Variants in SEMA5A observed in about 807,000 individuals in gnomAD.
SEMA5A encodes the protein semaphorin-5A.
SEMA5A carries 55 observed loss-of-function variants against 135.5 expected under a neutral mutation model. That is an observed-to-expected ratio of 0.41 (90% CI 0.33 to 0.51). The LOEUF (loss-of-function observed/expected upper bound fraction) is 0.51, where lower values mean the gene tolerates loss of function less well. SEMA5A is among the 20% of genes least tolerant of loss of function. The pLI is 0.37. For missense variants in SEMA5A, 1,290 were observed against 1,419.9 expected (o/e 0.91, Z 1.47); for synonymous variants, 580 against 546.5 (o/e 1.06, Z -0.85).
At chr5:9,377,122 A>C (rs1052040638) in intron 3 of SEMA5A, among the ~76,000 whole-genome samples, 16 of 152,038 alleles carry the variant, frequency 1.1e-4, no homozygotes, top group Admixed American at 2.0e-4. Flanking sequence ...AAAAAAAAAA[A>C]AGAATGACAT....
At chr5:9,484,515 A>G (rs1399600676) in intron 1 of SEMA5A, among the ~76,000 whole-genome samples, 1 of 152,224 alleles carries the variant, frequency 6.6e-6, no homozygotes, top group Non-Finnish European at 1.5e-5. Flanking sequence ...ATGTTTTAAT[A>G]ATGCTACTGA....
chr5:9,285,529 C>T (rs1750754482), intron 5 of SEMA5A, among the ~76,000 whole-genome samples: 1 of 152,228 alleles, frequency 6.6e-6, no homozygotes, highest in Non-Finnish European at 1.5e-5. Context: ...ACAAACTATA[C>T]TTGCCCCATT....
chr5:9,327,719 T>A (rs1452244114), intron 4 of SEMA5A, among the ~76,000 whole-genome samples: 1 of 152,208 alleles, frequency 6.6e-6, no homozygotes, highest in South Asian at 2.1e-4. Context: ...TTAATCAATA[T>A]TGTTAATAAT....
chr5:9,069,792 G>A (rs1275154756), intron 16 of SEMA5A, among the ~76,000 whole-genome samples: 1 of 151,946 alleles, frequency 6.6e-6, no homozygotes, highest in Non-Finnish European at 1.5e-5. Context: ...TTTTATTATG[G>A]CATCTTTTGA....
At chr5:9,220,795 A>T in intron 8 of SEMA5A, among the ~76,000 whole-genome samples, 1 of 152,194 alleles carries the variant, frequency 6.6e-6, no homozygotes, top group East Asian at 1.9e-4. Flanking sequence ...TTCCAGTAAG[A>T]TAGTTAAGGT....
chr5:9,465,232 G>C (rs984809016), intron 1 of SEMA5A, among the ~76,000 whole-genome samples: 1 of 152,202 alleles, frequency 6.6e-6, no homozygotes, highest in East Asian at 1.9e-4. Flanking sequence ...CTGCTTATCT[G>C]TGGGTCAGTA....
chr5:9,068,845 G>A (rs1157259917), intron 16 of SEMA5A, among the ~76,000 whole-genome samples: 2 of 152,184 alleles, frequency 1.3e-5, no homozygotes, highest in Non-Finnish European at 2.9e-5. Flanking sequence ...GTGTGCAGCA[G>A]TGTTCTCAGC....
chr5:9,515,493 G>A (rs1457880953), intron 1 of SEMA5A, among the ~76,000 whole-genome samples: 1 of 152,192 alleles, frequency 6.6e-6, no homozygotes, highest in Non-Finnish European at 1.5e-5. Flanking sequence ...TGTGTAATAT[G>A]GTTATGGCAA....
At chr5:9,046,494 T>G (rs1388980544) in intron 21 of SEMA5A, among the ~76,000 whole-genome samples, 2 of 152,088 alleles carry the variant, frequency 1.3e-5, no homozygotes, top group Admixed American at 6.5e-5. Context: ...TAATACTTGG[T>G]GTCAAAGGGA....
At chr5:9,380,242 C>T in intron 2 of SEMA5A, 1 of 311,614 alleles carries the variant, frequency 3.2e-6, no homozygotes. Context: ...ACCTCTCATT[C>T]TCCCAATAAT....
chr5:9,070,320 G>A lies in SEMA5A; in HGVS notation c.2074-3674C>T, dbSNP rs192574686. Among the ~76,000 whole-genome samples the A allele has an allele frequency of 2.0e-3, 311 of 152,192 alleles. 1 individual carries two copies. Among genetic ancestry groups the A allele is most frequent in the African/African-American group, 6.6e-3 (273 of 41,524 alleles). ...TGGGAGGCGGAGGTTGCAGTGAGCC[G>A]ACATTGTGCCACTGCACTCCAGCCT... On this transcript the variant is annotated intron_variant, in intron 16 of 22. Coordinates refer to ENST00000382496, the MANE Select transcript of SEMA5A (RefSeq NM_003966.3).
At chr5:9,320,238 A>G (rs1441639565) in intron 4 of SEMA5A, among the ~76,000 whole-genome samples, 1 of 152,204 alleles carries the variant, frequency 6.6e-6, no homozygotes, top group African/African-American at 2.4e-5. Flanking sequence ...AGCTCCCAGA[A>G]GCACTGCTTG....
intron 3 of SEMA5A, among the ~76,000 whole-genome samples, chr5:9,366,895 A>G (rs1754940282): frequency 6.6e-6 from 1 of 152,204 alleles, no homozygotes; most frequent in Admixed American, 6.5e-5. Context: ...ATGGAACACA[A>G]TAGATTTTCT....
chr5:9,223,485 G>A (rs1009690005), intron 8 of SEMA5A, among the ~76,000 whole-genome samples: 1 of 152,156 alleles, frequency 6.6e-6, no homozygotes, highest in African/African-American at 2.4e-5. Context: ...AGAGGAGGAT[G>A]CTACTGGCAT....
chr5:9,465,391 G>C (rs1295459247), intron 1 of SEMA5A, among the ~76,000 whole-genome samples: 4 of 152,188 alleles, frequency 2.6e-5, no homozygotes, highest in Non-Finnish European at 4.4e-5. Context: ...CATCAAAAAG[G>C]AGCATTTTAA....
chr5:9,058,707 G>T (rs1367521659), intron 18 of SEMA5A, among the ~76,000 whole-genome samples: 1 of 152,144 alleles, frequency 6.6e-6, no homozygotes, highest in Non-Finnish European at 1.5e-5. Flanking sequence ...ACTAAGATTT[G>T]CTCAACAGGC....
At chr5:9,339,784 T>C (rs1304186632) in intron 3 of SEMA5A, among the ~76,000 whole-genome samples, 2 of 152,220 alleles carry the variant, frequency 1.3e-5, no homozygotes, top group Admixed American at 6.5e-5. Context: ...GGAAAACTCT[T>C]GACCCATTTG....
chr5:9,210,608 C>T (rs1386469871), intron 8 of SEMA5A, among the ~76,000 whole-genome samples: 1 of 152,072 alleles, frequency 6.6e-6, no homozygotes, highest in Non-Finnish European at 1.5e-5. Flanking sequence ...AAAGTGCCAA[C>T]TAAACAAAGG....
intron 2 of SEMA5A, among the ~76,000 whole-genome samples, chr5:9,401,825 G>C (rs1420828446): frequency 1.3e-5 from 2 of 152,156 alleles, no homozygotes; most frequent in Admixed American, 1.3e-4. Flanking sequence ...ATAAGCAGCT[G>C]CTTCTGCTCC....
Sources: allele counts gnomAD v4.1 joint callset (sites outside exome capture counted in the v4.1 genomes callset), GRCh38; gene constraint gnomAD v4.1.1; transcripts MANE v1.5; gene names NCBI Gene and HGNC (gene_info 2026-07-23, HGNC 2026-07-21).